Variants in USP14 observed in about 807,000 individuals in gnomAD.
USP14 encodes the protein ubiquitin carboxyl-terminal hydrolase 14.
USP14 carries 38 observed loss-of-function variants against 76.5 expected under a neutral mutation model. The ratio of observed to expected loss-of-function variants is 0.50; its 90% confidence interval spans 0.38 to 0.65. USP14 has a LOEUF of 0.65. Ranked by LOEUF, USP14 falls within the 30% of genes least tolerant of loss-of-function variation. The pLI, the probability that USP14 is intolerant of heterozygous loss-of-function variation, is 0.00. For missense variants in USP14, 467 were observed against 586.5 expected (o/e 0.80, Z 2.10); for synonymous variants, 192 against 191.7 (o/e 1.00, Z -0.01).
chr18:170,209 C>T (rs1375871929), intron 3 of USP14, among the ~76,000 whole-genome samples: 1 of 152,058 alleles, frequency 6.6e-6, no homozygotes, highest in Non-Finnish European at 1.5e-5. Context: ...GAGGCTGAGG[C>T]AGGAGAATTG....
At chr18:181,671 A>G (rs1266185193) in intron 5 of USP14, among the ~76,000 whole-genome samples, 2 of 151,880 alleles carry the variant, frequency 1.3e-5, no homozygotes, top group Non-Finnish European at 2.9e-5. Flanking sequence ...TGTTGTATGC[A>G]GTCTCCTTTT....
chr18:201,799 T>C (rs1358400364), intron 10 of USP14, among the ~76,000 whole-genome samples: 1 of 152,178 alleles, frequency 6.6e-6, no homozygotes, highest in Non-Finnish European at 1.5e-5. Flanking sequence ...TAGATGATAG[T>C]GGATTGGTGG....
rs1910680570 is a variant in USP14 at position 211,933 on chromosome 18, A to C, written c.*649A>C. On this transcript the variant is annotated 3_prime_UTR_variant, in exon 16 of 16. Coordinates refer to ENST00000261601, the MANE Select transcript of USP14 (RefSeq NM_005151.4). ...CTCTCTGATGTACTGTGGATTGTAC[A>C]TTTAACTTTGGAATGGCTTTGTAAT... is the stretch of plus-strand genomic sequence containing the variant. 1 of 152,290 alleles carries C rather than the reference A, an allele frequency of 6.6e-6. No individual in the cohort carries two copies. Among genetic ancestry groups the C allele is most frequent in the South Asian group, 2.1e-4 (1 of 4,836 alleles). The allele number at this position is 152,290 out of a possible 1,614,324, so 9.4% of individuals were successfully genotyped here. A position where few individuals can be genotyped will look rare whatever the true frequency, so the allele number is the denominator to read the frequency against.
chr18:165,899 C>G (rs769955385), intron 2 of USP14, among the ~76,000 whole-genome samples: 1 of 151,984 alleles, frequency 6.6e-6, no homozygotes, highest in African/African-American at 2.4e-5. Flanking sequence ...ATTGGGTACC[C>G]GATACCTTCT....
At chr18:204,787 C>G in intron 13 of USP14, 95 bp downstream of exon 13, 1 of 1,427,240 alleles carries the variant, frequency 7.0e-7, no homozygotes, top group East Asian at 2.3e-5. Context: ...TTCATTTTTC[C>G]TTCAGAACTA....
intron 5 of USP14, among the ~76,000 whole-genome samples, chr18:190,356 A>T (rs1910053569): frequency 6.6e-6 from 1 of 152,164 alleles, no homozygotes; most frequent in Non-Finnish European, 1.5e-5. Flanking sequence ...TCATAAAAGG[A>T]TTTATATATT....
intron 5 of USP14, among the ~76,000 whole-genome samples, chr18:190,434 A>G (rs959419016): frequency 6.6e-6 from 1 of 152,220 alleles, no homozygotes; most frequent in African/African-American, 2.4e-5. Context: ...CATTAGCATT[A>G]TATGTGCTTT....
intron 5 of USP14, among the ~76,000 whole-genome samples, chr18:182,495 T>C (rs572835273): frequency 6.6e-6 from 1 of 152,346 alleles, no homozygotes; most frequent in East Asian, 1.9e-4. Context: ...CTGAAGCGAA[T>C]AGTTGTCAGG....
intron 3 of USP14, among the ~76,000 whole-genome samples, chr18:168,805 G>A (rs1240660963): frequency 6.6e-6 from 1 of 151,110 alleles, no homozygotes; most frequent in Non-Finnish European, 1.5e-5. Flanking sequence ...GGGCGCGGTG[G>A]CTCACGCCTG....
Position 211,130 on chromosome 18 carries a change from T to C in USP14, c.1334-3T>C, listed in dbSNP as rs536136877. The stretch of plus-strand genomic sequence containing the variant: ...AATTCATCTTCTTGTCCCTGTTATT[T>C]AGATGAATGGATTAAGTTTGATGAT... On this transcript the variant is annotated splice_region_variant and splice_polypyrimidine_tract_variant and intron_variant, in intron 15 of 15. Transcript: ENST00000261601. 1 of 1,609,412 alleles carries C rather than the reference T, an allele frequency of 6.2e-7. No individual in the cohort carries two copies. The highest frequency in any genetic ancestry group is 2.2e-5 in the East Asian group (1 of 44,726).
intron 1 of USP14, 34 bp from the exon 2 acceptor site, chr18:163,274 T>A (rs764255467): frequency 6.4e-7 from 1 of 1,554,332 alleles, no homozygotes; most frequent in South Asian, 1.2e-5. Context: ...GTCTTGTTAT[T>A]TTTTAATTAA....
intron 6 of USP14, among the ~76,000 whole-genome samples, chr18:193,224 T>C (rs956076411): frequency 6.6e-6 from 1 of 152,214 alleles, no homozygotes; most frequent in Non-Finnish European, 1.5e-5. Flanking sequence ...CCATGTATCA[T>C]TATAAAAGAG....
At chr18:192,948 T>C (rs758840278) in intron 6 of USP14, 48 bp downstream of exon 6, 3 of 1,512,206 alleles carry the variant, frequency 2.0e-6, no homozygotes, top group African/African-American at 1.4e-5. Flanking sequence ...AGACATTCTA[T>C]TTTTCGCTCA....
chr18:163,745 G>A (rs1909188918), intron 2 of USP14, among the ~76,000 whole-genome samples: 1 of 151,074 alleles, frequency 6.6e-6, no homozygotes. Flanking sequence ...TGTTATATAG[G>A]TAAACTTGTG....
intron 7 of USP14, 25 bp from the exon 8 acceptor site, chr18:197,591 T>C (rs1910272035): frequency 1.3e-6 from 2 of 1,582,300 alleles, no homozygotes; most frequent in Admixed American, 1.7e-5. Flanking sequence ...CAGGATTACT[T>C]ACTTTGTCTT....
In USP14 at chr18:210,421, C is replaced by A. The variant is rs1274678283; in HGVS notation, c.1261C>A (p.Gln421Lys). Residue 421 changes from glutamine to lysine, a missense_variant, in exon 15 of 16, where the codon CAA becomes AAA. Transcript: ENST00000261601. ...CAATAATTGTGGATACTATGACTTA[C>A]AAGCAGTACTAACACACCAGGGAAG... ...GSNNCGYYDL[Q>K]AVLTHQGRSS... 3.1e-6 allele frequency: 5 copies of A among 1,610,280 alleles called. No homozygotes were observed. Among genetic ancestry groups the A allele is most frequent in the Non-Finnish European group, 3.4e-6 (4 of 1,178,474 alleles).
intron 1 of USP14, 53 bp downstream of exon 1, chr18:158,767 C>T: frequency 7.0e-7 from 1 of 1,423,874 alleles, no homozygotes; most frequent in African/African-American, 1.5e-5. Flanking sequence ...GCTAGGCCTC[C>T]GCGTAGGCCT....
chr18:201,122 T>C (rs1224436440), intron 10 of USP14, among the ~76,000 whole-genome samples: 2 of 152,196 alleles, frequency 1.3e-5, no homozygotes, highest in Middle Eastern at 3.2e-3. Flanking sequence ...TTTTAAAAGT[T>C]AGCTTCTTCC....
chr18:209,846 A>G, intron 13 of USP14, 125 bp from the exon 14 acceptor site: 1 of 636,678 alleles, frequency 1.6e-6, no homozygotes, highest in Non-Finnish European at 2.6e-6. Context: ...GTAATTTGGA[A>G]GGTAGACTGT....
Sources: allele counts gnomAD v4.1 joint callset (sites outside exome capture counted in the v4.1 genomes callset), GRCh38; gene constraint gnomAD v4.1.1; transcripts MANE v1.5; gene names NCBI Gene and HGNC (gene_info 2026-07-23, HGNC 2026-07-21).